The following AFG2A variants were observed in gnomAD, a reference collection of about 807,000 sequenced individuals.
AFG2A encodes AAA ATPase AFG2A, also known as ATPase family gene 2 protein homolog A.
the AFG2A span, among the ~76,000 whole-genome samples, chr4:123,036,344 A>G: frequency 2.0e-5 from 3 of 152,188 alleles, no homozygotes; most frequent in South Asian, 6.2e-4. Flanking sequence ...AGATGGAAGT[A>G]TCCTAACTCC....
chr4:123,124,649 C>A, the AFG2A span, among the ~76,000 whole-genome samples: 10 of 151,792 alleles, frequency 6.6e-5, no homozygotes, highest in South Asian at 1.3e-3. Flanking sequence ...AAAACAACAA[C>A]AAAAAAAACC....
At chr4:122,936,244 C>T in the AFG2A span, 1 of 873,030 alleles carries the variant, frequency 1.1e-6, no homozygotes, top group Non-Finnish European at 1.7e-6. Context: ...AAAGCATAAA[C>T]AGTAGTACAA....
At chr4:123,160,891 T>C in the AFG2A span, among the ~76,000 whole-genome samples, 2 of 152,142 alleles carry the variant, frequency 1.3e-5, no homozygotes, top group African/African-American at 4.8e-5. Flanking sequence ...TTAACAGCAA[T>C]AATTAATAAT....
At chr4:122,973,408 T>A in the AFG2A span, among the ~76,000 whole-genome samples, 2 of 152,138 alleles carry the variant, frequency 1.3e-5, no homozygotes, top group African/African-American at 4.8e-5. Flanking sequence ...GGTAATATCT[T>A]AAAATACTTA....
chr4:123,299,117 ATGTGTGTGTGTG>A, the AFG2A span, among the ~76,000 whole-genome samples: 16 of 147,218 alleles, frequency 1.1e-4, no homozygotes, highest in Non-Finnish European at 2.1e-4. Context: ...GCATCTGCCA[ATGTGTGTGTGTG>A]TGTGTGTGTG....
chr4:122,983,351 C>T, the AFG2A span, among the ~76,000 whole-genome samples: 1 of 152,044 alleles, frequency 6.6e-6, no homozygotes, highest in Non-Finnish European at 1.5e-5. Context: ...TCTGCTAACT[C>T]TGAACTTATT....
At chr4:123,278,467 A>G in the AFG2A span, among the ~76,000 whole-genome samples, 1 of 151,938 alleles carries the variant, frequency 6.6e-6, no homozygotes, top group East Asian at 1.9e-4. Context: ...TTCAGCTCTC[A>G]TTTTGGTGAT....
At chr4:123,244,941 T>G in the AFG2A span, among the ~76,000 whole-genome samples, 1 of 152,204 alleles carries the variant, frequency 6.6e-6, no homozygotes. Flanking sequence ...AAACAACTGT[T>G]GTGTGATATG....
the AFG2A span, chr4:123,056,269 G>T: frequency 1.1e-6 from 1 of 891,412 alleles, no homozygotes; most frequent in Non-Finnish European, 1.6e-6. Context: ...ATGCTAAAGG[G>T]ATTAATAAGC....
At chr4:123,013,030 G>A in the AFG2A span, among the ~76,000 whole-genome samples, 1 of 152,086 alleles carries the variant, frequency 6.6e-6, no homozygotes, top group Admixed American at 6.5e-5. Flanking sequence ...GGGTGTCGGC[G>A]GGCTGAGTCC....
the AFG2A span, among the ~76,000 whole-genome samples, chr4:123,063,659 T>C: frequency 6.6e-6 from 1 of 151,776 alleles, no homozygotes; most frequent in East Asian, 1.9e-4. Flanking sequence ...GGCAGGAGAA[T>C]GGCGTGAACT....
chr4:123,046,180 A>G, the AFG2A span, among the ~76,000 whole-genome samples: 5 of 152,028 alleles, frequency 3.3e-5, no homozygotes. Context: ...TTATGGGATC[A>G]TAAATTCCTT....
At chr4:123,261,180 A>G in the AFG2A span, among the ~76,000 whole-genome samples, 1 of 152,098 alleles carries the variant, frequency 6.6e-6, no homozygotes, top group Non-Finnish European at 1.5e-5. Flanking sequence ...TCTGCAACCT[A>G]CTTTTCCTGC....
the AFG2A span, among the ~76,000 whole-genome samples, chr4:123,072,879 C>T: frequency 2.0e-4 from 30 of 152,128 alleles, no homozygotes; most frequent in African/African-American, 6.7e-4. Flanking sequence ...AAATTTATTA[C>T]TATAATATTA....
chr4:123,096,375 T>A, the AFG2A span, among the ~76,000 whole-genome samples: 4 of 152,084 alleles, frequency 2.6e-5, no homozygotes, highest in Non-Finnish European at 5.9e-5. Flanking sequence ...AACAAACAAC[T>A]AATTTATTAA....
the AFG2A span, among the ~76,000 whole-genome samples, chr4:123,060,498 C>G: frequency 1.8e-4 from 27 of 152,348 alleles, no homozygotes; most frequent in Admixed American, 5.9e-4. Flanking sequence ...CATGTGGAAG[C>G]TGCCAAGGCT....
At chr4:123,046,789 C>T in the AFG2A span, among the ~76,000 whole-genome samples, 1 of 152,190 alleles carries the variant, frequency 6.6e-6, no homozygotes, top group Admixed American at 6.6e-5. Context: ...TCATCTCCCT[C>T]CTCCTCTCTT....
At chr4:123,096,031 A>C in the AFG2A span, among the ~76,000 whole-genome samples, 1 of 152,138 alleles carries the variant, frequency 6.6e-6, no homozygotes, top group Non-Finnish European at 1.5e-5. Flanking sequence ...CTGGTGTTTT[A>C]GCAAAGACAG....
chr4:123,142,017 A>T, the AFG2A span, among the ~76,000 whole-genome samples: 1 of 152,122 alleles, frequency 6.6e-6, no homozygotes, highest in Non-Finnish European at 1.5e-5. Context: ...TCATCATCTA[A>T]AACTCCTTGA....
Sources: allele counts gnomAD v4.1 joint callset (sites outside exome capture counted in the v4.1 genomes callset), GRCh38; gene constraint gnomAD v4.1.1; transcripts MANE v1.5; gene names NCBI Gene and HGNC (gene_info 2026-07-23, HGNC 2026-07-21).